The following GRIP1 variants were observed in gnomAD, a reference collection of about 807,000 sequenced individuals.
GRIP1 encodes glutamate receptor-interacting protein 1.
Under a neutral mutation model 129.9 loss-of-function variants are expected in GRIP1, and 45 were observed. That is an observed-to-expected ratio of 0.35 (90% CI 0.27 to 0.44). The LOEUF is 0.44. GRIP1 is among the 20% of genes least tolerant of loss of function. The pLI, the probability that GRIP1 is intolerant of heterozygous loss-of-function variation, is 1.00. For missense variants in GRIP1, 1,196 were observed against 1,396.8 expected, an observed-to-expected ratio of 0.86 and a Z score of 2.29; for synonymous variants, 530 against 520.8, an observed-to-expected ratio of 1.02 and a Z score of -0.24.
At chr12:66,968,353 T>G (rs2137562110) in intron 1 of GRIP1, among the ~76,000 whole-genome samples, 1 of 151,588 alleles carries the variant, frequency 6.6e-6, no homozygotes, top group East Asian at 1.9e-4. Flanking sequence ...GTGGGCTTCT[T>G]GTAGACAATA....
At chr12:66,999,293 A>T (rs1454238973) in intron 1 of GRIP1, among the ~76,000 whole-genome samples, 9 of 152,178 alleles carry the variant, frequency 5.9e-5, no homozygotes, top group Non-Finnish European at 1.3e-4. Context: ...CAAAATAACT[A>T]AGACCCAGGG....
At chr12:66,958,829 T>C (rs2041881285) in intron 1 of GRIP1, among the ~76,000 whole-genome samples, 1 of 152,192 alleles carries the variant, frequency 6.6e-6, no homozygotes, top group East Asian at 1.9e-4. Flanking sequence ...ATTGCTAGAA[T>C]GGGAAATAGA....
At chr12:66,770,793 C>G (rs1002019016) in intron 1 of GRIP1, among the ~76,000 whole-genome samples, 6 of 152,148 alleles carry the variant, frequency 3.9e-5, no homozygotes, top group Admixed American at 2.6e-4. Context: ...CAGACAAGCC[C>G]AAAGTGAAAA....
At chr12:66,955,510 T>G (rs1215548306) in intron 1 of GRIP1, among the ~76,000 whole-genome samples, 2 of 146,156 alleles carry the variant, frequency 1.4e-5, no homozygotes, top group African/African-American at 5.0e-5. Context: ...TTTGGTTTTT[T>G]TTTTTTTTTT....
intron 1 of GRIP1, among the ~76,000 whole-genome samples, chr12:66,638,598 A>G (rs12299575): frequency 1 from 152,306 of 152,350 alleles, 76,131 homozygotes; most frequent in Middle Eastern, 1. Flanking sequence ...TAGTTTAAGC[A>G]CTTCTCTTAC....
intron 1 of GRIP1, among the ~76,000 whole-genome samples, chr12:67,056,913 C>T (rs957391180): frequency 2.6e-5 from 4 of 152,062 alleles, no homozygotes; most frequent in Non-Finnish European, 5.9e-5. Context: ...CGGGTTCAAG[C>T]GATTCTCCTG....
chr12:66,349,467 A>G (rs1453181045), intron 24 of GRIP1, among the ~76,000 whole-genome samples: 1 of 152,150 alleles, frequency 6.6e-6, no homozygotes, highest in Non-Finnish European at 1.5e-5. Flanking sequence ...AGACATACAC[A>G]TCCTACCTAT....
chr12:66,689,602 TAC>T (rs896336487), intron 1 of GRIP1, among the ~76,000 whole-genome samples: 1 of 152,180 alleles, frequency 6.6e-6, no homozygotes, highest in African/African-American at 2.4e-5. Context: ...AATATATATA[TAC>T]ACTGTTAAAT....
intron 2 of GRIP1, chr12:66,564,276 CT>C (rs1440645234): frequency 9.0e-6 from 1 of 111,150 alleles, no homozygotes; most frequent in African/African-American, 3.5e-5. Context: ...TCCCTCCCCC[CT>C]CCCCCCACCC....
intron 1 of GRIP1, among the ~76,000 whole-genome samples, chr12:66,884,006 G>A (rs2040522603): frequency 6.6e-6 from 1 of 152,198 alleles, no homozygotes; most frequent in Admixed American, 6.5e-5. Context: ...TCATGCCAGT[G>A]CACATGCAAG....
intron 1 of GRIP1, among the ~76,000 whole-genome samples, chr12:66,914,899 AG>A: frequency 6.6e-6 from 1 of 152,316 alleles, no homozygotes; most frequent in Non-Finnish European, 1.5e-5. Flanking sequence ...CTGAAGCAAG[AG>A]GATCACTTGA....
chr12:66,816,087 C>G (rs986353633), intron 1 of GRIP1, among the ~76,000 whole-genome samples: 1 of 152,074 alleles, frequency 6.6e-6, no homozygotes, highest in Non-Finnish European at 1.5e-5. Flanking sequence ...CATCTGAGAA[C>G]AGGATCAGTA....
chr12:66,603,124 A>G lies in GRIP1; in HGVS notation c.56-6197T>C, dbSNP rs61926086. On this transcript the variant is annotated intron_variant, in intron 1 of 24. Transcript: ENST00000359742. ...TGATCCTCCCACCTCAGTCTTCCAT[A>G]ATGCTGGATTATAGGCATGAACCAC... Among the ~76,000 whole-genome samples the G allele has an allele frequency of 5.7e-3, 867 of 151,558 alleles. 6 individuals are homozygous for G. Among genetic ancestry groups the G allele is most frequent in the South Asian group, 0.011 (51 of 4,804 alleles).
intron 1 of GRIP1, among the ~76,000 whole-genome samples, chr12:66,816,810 T>C (rs1287528096): frequency 6.6e-6 from 1 of 152,156 alleles, no homozygotes; most frequent in Admixed American, 6.5e-5. Flanking sequence ...CTTAAAGTCA[T>C]TTTGAAAAAA....
intron 1 of GRIP1, among the ~76,000 whole-genome samples, chr12:66,965,389 T>G (rs1592401606): frequency 6.6e-6 from 1 of 152,084 alleles, no homozygotes; most frequent in East Asian, 1.9e-4. Context: ...TTGGAAAATA[T>G]TTTCCCTCAT....
intron 1 of GRIP1, among the ~76,000 whole-genome samples, chr12:67,035,218 G>GTGTTT (rs2135790861): frequency 6.6e-6 from 1 of 152,210 alleles, no homozygotes; most frequent in East Asian, 1.9e-4. Flanking sequence ...AAAAAAAAAC[G>GTGTTT]TGTTTCCTCC....
At chr12:66,591,025 T>C (rs2063831510) in intron 2 of GRIP1, among the ~76,000 whole-genome samples, 2 of 152,162 alleles carry the variant, frequency 1.3e-5, no homozygotes, top group African/African-American at 4.8e-5. Context: ...ATACCTAACA[T>C]TTACTAAGCA....
rs576180709 is a variant in GRIP1 at position 66,813,356 on chromosome 12, C to T, written c.59-216429G>A. The stretch of plus-strand genomic sequence containing the variant: ...TAAGCCATTCAAGAGAGATCTGCAC[C>T]GATGATCCAAGGACCTCCACTAGGC... On this transcript the variant is annotated intron_variant, in intron 1 of 1. Coordinates refer to the GRIP1 transcript ENST00000643019. Among the ~76,000 whole-genome samples, 13 of 152,250 alleles carry T rather than the reference C, an allele frequency of 8.5e-5. No homozygotes were observed. In the South Asian group the frequency reaches 1.5e-3, roughly 17 times the overall value.
At chr12:67,034,060 T>C (rs549240835) in intron 1 of GRIP1, among the ~76,000 whole-genome samples, 66 of 152,312 alleles carry the variant, frequency 4.3e-4, no homozygotes, top group Non-Finnish European at 8.8e-4. Context: ...CAGTAACACA[T>C]TCCAATAAGG....
Sources: gnomAD v4.1 joint callset for allele counts (sites outside exome capture counted in the v4.1 genomes callset) on GRCh38, gnomAD v4.1.1 for gene constraint, MANE v1.5 for transcripts, NCBI Gene and HGNC (gene_info 2026-07-23, HGNC 2026-07-21) for gene names.